The following DTNB variants were observed in gnomAD, a reference collection of about 807,000 sequenced individuals.
The protein encoded by DTNB is dystrobrevin beta.
In DTNB, 63 loss-of-function variants were observed where a neutral mutation model predicts 90.7. The observed-to-expected ratio is 0.69, with a 90% CI of 0.57 to 0.86. The LOEUF (loss-of-function observed/expected upper bound fraction) is 0.86. DTNB is among the 40% of genes least tolerant of loss of function. The pLI is 0.00. For missense variants in DTNB, 744 were observed against 807.1 expected (o/e 0.92, Z 0.95); for synonymous variants, 277 against 286.7 (o/e 0.97, Z 0.34).
chr2:25,379,112 C>T (rs1052628665), intron 20 of DTNB, among the ~76,000 whole-genome samples, 178 bp downstream of exon 20: 1 of 152,152 alleles, frequency 6.6e-6, no homozygotes, highest in Non-Finnish European at 1.5e-5. Flanking sequence ...AGCCTAGAAA[C>T]AGGGCAAGGA....
intron 2 of DTNB, chr2:25,650,350 G>A (rs1328279851): frequency 1.8e-6 from 1 of 544,732 alleles, no homozygotes; most frequent in Non-Finnish European, 2.3e-6. Context: ...GAGCATAGCA[G>A]ATCCTCAATA....
chr2:25,628,140 A>C, intron 4 of DTNB, 31 bp downstream of exon 4: 1 of 1,600,926 alleles, frequency 6.2e-7, no homozygotes, highest in Non-Finnish European at 8.6e-7. Context: ...TCTTAAAATG[A>C]AGTAAGCGTG....
intron 6 of DTNB, among the ~76,000 whole-genome samples, chr2:25,590,929 C>A (rs148197915): frequency 1.3e-5 from 2 of 152,260 alleles, no homozygotes; most frequent in African/African-American, 2.4e-5. Context: ...CCAAGGGGCA[C>A]CTGCAGGCCA....
At chr2:25,609,654 A>G (rs1225880909) in intron 4 of DTNB, among the ~76,000 whole-genome samples, 1 of 92,402 alleles carries the variant, frequency 1.1e-5, no homozygotes, top group Non-Finnish European at 2.2e-5. Context: ...CCATAATAGA[A>G]TGTACACACA....
rs551973645 is a variant in DTNB, at chr2:25,534,992, C to T, written c.877-3395G>A. Among the ~76,000 whole-genome samples, 49 of 135,414 alleles carry T rather than the reference C, an allele frequency of 3.6e-4. No homozygotes were observed. The South Asian group carries it at 4.5e-3, about 12-fold the overall frequency. The allele number at this position is 135,414 out of a possible 152,430, so 88.8% of individuals were successfully genotyped here. A position where few individuals can be genotyped will look rare whatever the true frequency, so the allele number is the denominator to read the frequency against. The stretch of plus-strand genomic sequence containing the variant: ...AATGAGGTGCTCCTCACCTCCCAGA[C>T]GAAGAGCGGCCGGGCAGAGGCGCTC... On this transcript the variant is annotated intron_variant, in intron 8 of 20. Transcript: ENST00000406818.
At chr2:25,534,781 G>A (rs2150951149) in intron 8 of DTNB, among the ~76,000 whole-genome samples, 1 of 150,334 alleles carries the variant, frequency 6.7e-6, no homozygotes, top group African/African-American at 2.5e-5. Flanking sequence ...CCCAGACAGG[G>A]TGGCCGGGCA....
At chr2:25,660,570 A>T (rs977525560) in intron 1 of DTNB, among the ~76,000 whole-genome samples, 4 of 152,210 alleles carry the variant, frequency 2.6e-5, no homozygotes, top group African/African-American at 9.6e-5. Context: ...AGGTTGAATT[A>T]TATGGTATGT....
chr2:25,623,349 G>C (rs529100923), intron 4 of DTNB, among the ~76,000 whole-genome samples: 8 of 152,192 alleles, frequency 5.3e-5, no homozygotes, highest in Non-Finnish European at 1.2e-4. Context: ...GATTCCAGAG[G>C]GGGAAGCAAA....
chr2:25,504,337 A>AAGGAAGGAAGG (rs1330756690), intron 9 of DTNB, among the ~76,000 whole-genome samples: 7 of 149,754 alleles, frequency 4.7e-5, no homozygotes, highest in Non-Finnish European at 8.9e-5. Context: ...AGAAAGAAGG[A>AAGGAAGGAAGG]AGGAAGGAAG....
At chr2:25,498,638 G>A (rs983317387) in intron 9 of DTNB, among the ~76,000 whole-genome samples, 3 of 151,968 alleles carry the variant, frequency 2.0e-5, no homozygotes, top group Non-Finnish European at 4.4e-5. Context: ...TTGAGCCCAA[G>A]AGTTTGAGAC....
At chr2:25,445,262 G>A (rs931206364) in intron 12 of DTNB, among the ~76,000 whole-genome samples, 5 of 151,482 alleles carry the variant, frequency 3.3e-5, no homozygotes, top group African/African-American at 1.2e-4. Context: ...GAGCAGTTGT[G>A]ACTGACTGAG....
intron 10 of DTNB, among the ~76,000 whole-genome samples, chr2:25,474,840 A>G (rs186407313): frequency 6.6e-6 from 1 of 152,178 alleles, no homozygotes; most frequent in Non-Finnish European, 1.5e-5. Flanking sequence ...CTTCTCCATT[A>G]TTATCATCAT....
chr2:25,606,754 T>A (rs2067203632), intron 5 of DTNB, among the ~76,000 whole-genome samples: 1 of 152,102 alleles, frequency 6.6e-6, no homozygotes, highest in South Asian at 2.1e-4. Context: ...TAACAGGAAT[T>A]TTTTTAAAAA....
At chr2:25,463,079 G>A (rs897919988) in intron 10 of DTNB, among the ~76,000 whole-genome samples, 14 of 152,004 alleles carry the variant, frequency 9.2e-5, no homozygotes, top group Non-Finnish European at 1.9e-4. Context: ...CCTCTCCCTC[G>A]AGCTCCAGAA....
chr2:25,447,706 A>C (rs2058637047), intron 12 of DTNB, among the ~76,000 whole-genome samples: 1 of 151,536 alleles, frequency 6.6e-6, no homozygotes, highest in Non-Finnish European at 1.5e-5. Context: ...ACGGGGTTTC[A>C]CCATGTTGCC....
intron 8 of DTNB, among the ~76,000 whole-genome samples, chr2:25,564,204 T>G (rs546705748): frequency 6.6e-6 from 1 of 152,198 alleles, no homozygotes; most frequent in Admixed American, 6.5e-5. Flanking sequence ...ATTTTGGATC[T>G]CTTGTATTTC....
At chr2:25,662,269 T>C (rs951860426) in intron 1 of DTNB, among the ~76,000 whole-genome samples, 4 of 152,136 alleles carry the variant, frequency 2.6e-5, no homozygotes, top group African/African-American at 7.2e-5. Context: ...ATATTGTTTC[T>C]AAACACAAAA....
At chr2:25,618,591 G>T (rs767283960) in intron 4 of DTNB, among the ~76,000 whole-genome samples, 1 of 152,204 alleles carries the variant, frequency 6.6e-6, no homozygotes, top group Non-Finnish European at 1.5e-5. Flanking sequence ...GATAGCTACA[G>T]AGTTGATTGG....
intron 10 of DTNB, among the ~76,000 whole-genome samples, chr2:25,459,554 C>T (rs921175238): frequency 1.2e-4 from 19 of 152,124 alleles, no homozygotes; most frequent in African/African-American, 4.1e-4. Flanking sequence ...AGCGCAGTGG[C>T]GTGACCTTGG....
Sources: gnomAD v4.1 joint callset for allele counts (sites outside exome capture counted in the v4.1 genomes callset) on GRCh38, gnomAD v4.1.1 for gene constraint, MANE v1.5 for transcripts, NCBI Gene and HGNC (gene_info 2026-07-23, HGNC 2026-07-21) for gene names.